Variants in TEAD3 observed in about 807,000 individuals in gnomAD.
TEAD3 encodes TEA domain transcription factor 3.
A neutral mutation model predicts 55.6 loss-of-function variants in TEAD3; 15 were observed. The ratio of observed to expected loss-of-function variants is 0.27; its 90% confidence interval spans 0.18 to 0.42. The LOEUF is 0.42. Ranked by LOEUF, TEAD3 falls within the 10% of genes least tolerant of loss-of-function variation. The pLI, the probability that TEAD3 is intolerant of heterozygous loss-of-function variation, is 1.00. For synonymous variants in TEAD3, 210 were observed against 232.2 expected, an observed-to-expected ratio of 0.90 and a Z score of 0.87; for missense variants, 407 against 576.8, an observed-to-expected ratio of 0.71 and a Z score of 3.01.
At chr6:35,492,734 C>A (rs2150918385) in intron 1 of TEAD3, among the ~76,000 whole-genome samples, 1 of 152,162 alleles carries the variant, frequency 6.6e-6, no homozygotes, top group East Asian at 1.9e-4. Flanking sequence ...CCCCCCAGGC[C>A]TCCTTCTGCA....
In TEAD3 at chr6:35,475,873, G is replaced by T. The variant is rs757362996; in HGVS notation, c.900+46C>A. 6.6e-7 allele frequency: 1 copy of T among 1,506,580 alleles called. No individual in the cohort carries two copies. Among genetic ancestry groups the T allele is most frequent in the Non-Finnish European group, 8.9e-7 (1 of 1,128,066 alleles). The allele number at this position is 1,506,580 out of a possible 1,614,324, so 93.3% of individuals were successfully genotyped here. The stretch of plus-strand genomic sequence containing the variant: ...CAGTGGGCCTGGATGTTGCACCTCT[G>T]GGGTGGGGAAGGGGGCTTGGAGCAG... On this transcript the variant is annotated intron_variant, in intron 10 of 12. Coordinates refer to ENST00000639578, the Ensembl canonical transcript of TEAD3. This position sits in a 1 kb window ranked among gnomAD's most constrained non-coding sequence, Gnocchi z 5.4.
chr6:35,476,051 G>A (rs756080705), exon 10 of TEAD3: 13 of 1,544,284 alleles, frequency 8.4e-6, no homozygotes, highest in Middle Eastern at 3.5e-4. Context: ...CTGAGAAGGC[G>A]GGGTTCGTCT....
At chr6:35,473,747 T>A (rs1188703617), downstream of TEAD3, 1 of 141,298 alleles carries the variant, frequency 7.1e-6, no homozygotes, top group Middle Eastern at 4.8e-3. Context: ...CACAAAAAAA[T>A]ATATAATATA....
At chr6:35,487,812 C>T (rs1295345035) in intron 1 of TEAD3, among the ~76,000 whole-genome samples, 1 of 152,160 alleles carries the variant, frequency 6.6e-6, no homozygotes, top group East Asian at 1.9e-4. Flanking sequence ...AGCCCATTAT[C>T]CAGAGATGAA....
At position 35,484,011 on chromosome 6, in the gene TEAD3, C is replaced by G. The variant is rs946276248; in HGVS notation, c.267+549G>C. 1.3e-5 allele frequency among the ~76,000 whole-genome samples: 2 copies of G among 152,162 alleles called. No homozygotes were observed. The highest frequency in any genetic ancestry group is 2.9e-5 in the Non-Finnish European group (2 of 68,026). Reference sequence around the variant, plus strand: ...ACTTCCTCAGCCTGGAAGGAAGGGTCTTCTCCCTTTTCTCTGCCTTGCGAA... The same window carrying G: ...ACTTCCTCAGCCTGGAAGGAAGGGTGTTCTCCCTTTTCTCTGCCTTGCGAA... On this transcript the variant is annotated intron_variant, in intron 3 of 12. Coordinates refer to ENST00000639578, the Ensembl canonical transcript of TEAD3. This position sits in a 1 kb window ranked among gnomAD's most constrained non-coding sequence, Gnocchi z 5.8.
rs905595222 is a variant in TEAD3, at chr6:35,485,698, C to T, written c.202+763G>A. On this transcript the variant is annotated intron_variant, in intron 2 of 12. Transcript: ENST00000639578. This position sits in a 1 kb window ranked among gnomAD's most constrained non-coding sequence, Gnocchi z 4.3. ...AAGGCACCCTGGACCATCTGCCTGCCCCCAAGGTGGGGCTCTGGGGCTGGG... is the reference window on the plus strand; with the variant it reads ...AAGGCACCCTGGACCATCTGCCTGCTCCCAAGGTGGGGCTCTGGGGCTGGG... Among the ~76,000 whole-genome samples, 2 of 152,196 alleles carry T rather than the reference C, an allele frequency of 1.3e-5. No individual in the cohort carries two copies. The highest frequency in any genetic ancestry group is 4.8e-5 in the African/African-American group (2 of 41,454).
chr6:35,495,999 G>T (rs1298033636), intron 1 of TEAD3, among the ~76,000 whole-genome samples: 6 of 152,208 alleles, frequency 3.9e-5, no homozygotes, highest in Non-Finnish European at 8.8e-5. Context: ...CCCTCACCAG[G>T]AAAGTTGACA....
chr6:35,475,006 T>C lies in TEAD3; in HGVS notation c.*38A>G, dbSNP rs746134633. 61 of 1,474,020 alleles carry C rather than the reference T, an allele frequency of 4.1e-5. 1 individual carries two copies. The South Asian group carries it at 7.0e-4, about 17-fold the overall frequency. The allele number at this position is 1,474,020 out of a possible 1,614,324, so 91.3% of individuals were successfully genotyped here. A position where few individuals can be genotyped will look rare whatever the true frequency, so the allele number is the denominator to read the frequency against. On this transcript the variant is annotated 3_prime_UTR_variant, in exon 13 of 13. Transcript: ENST00000639578. The surrounding 1 kb of genome is among the most constrained non-coding windows in gnomAD (Gnocchi z 5.4). ...GTGCCAGGCAGGTGTGGAGAGGAGATGCTCACCCTGCATCCTTAAGGAGGC... is the reference window on the plus strand; with the variant it reads ...GTGCCAGGCAGGTGTGGAGAGGAGACGCTCACCCTGCATCCTTAAGGAGGC...
At chr6:35,477,325 G>A (rs756296838) in exon 8 of TEAD3, 9 of 1,607,028 alleles carry the variant, frequency 5.6e-6, no homozygotes, top group Middle Eastern at 1.6e-4. Context: ...GAGCGTCGGC[G>A]GCAGGGGCGG....
At chr6:35,479,309 T>C (rs750938322) in exon 5 of TEAD3, 1 of 1,613,874 alleles carries the variant, frequency 6.2e-7, no homozygotes, top group African/African-American at 1.3e-5. Flanking sequence ...ACTTACCAGG[T>C]TCATGGCCTG....
chr6:35,480,438 G>C (rs955487995), intron 3 of TEAD3, 64 bp from the exon 4 acceptor site: 31 of 1,572,202 alleles, frequency 2.0e-5, no homozygotes, highest in Non-Finnish European at 2.1e-5. Flanking sequence ...ACAGCCATGG[G>C]GTGGCCGCGG....
At position 35,484,633 on chromosome 6, in the gene TEAD3, G is replaced by C. The variant is rs775881132; in HGVS notation, c.203-9C>G. On this transcript the variant is annotated splice_polypyrimidine_tract_variant and intron_variant, in intron 2 of 12. Transcript: ENST00000639578. The surrounding 1 kb of genome is among the most constrained non-coding windows in gnomAD (Gnocchi z 5.8). ...AATCAACTCATTTCGGCCTAGATTG[G>C]GGTGAGAGAGAAAATGAGGAGTGGG... is the stretch of plus-strand genomic sequence containing the variant. The C allele has an allele frequency of 2.5e-6, 4 of 1,588,422 alleles. No homozygotes were observed. Among genetic ancestry groups the C allele is most frequent in the Non-Finnish European group, 3.4e-6 (4 of 1,167,196 alleles).
At chr6:35,493,023 C>T (rs1768562097) in intron 1 of TEAD3, among the ~76,000 whole-genome samples, 1 of 152,048 alleles carries the variant, frequency 6.6e-6, no homozygotes. Flanking sequence ...CACTGGGCTC[C>T]CACCAGCCAC....
rs547740279 is a variant in TEAD3 at position 35,496,333 on chromosome 6, G to T, written c.-50+565C>A. Among the ~76,000 whole-genome samples the T allele has an allele frequency of 6.6e-6, 1 of 152,176 alleles. No homozygotes were observed. The highest frequency in any genetic ancestry group is 2.4e-5 in the African/African-American group (1 of 41,450). ...GTGAGCCCCTCCCTGCCTCTCAGGG[G>T]ACACACGGCCGGGGCGCGCGGCTTT... On this transcript the variant is annotated intron_variant, in intron 1 of 12. Transcript: ENST00000639578. The surrounding 1 kb of genome is among the most constrained non-coding windows in gnomAD (Gnocchi z 4.8).
At position 35,485,501 on chromosome 6, in the gene TEAD3, C is replaced by T. The variant is rs1337280800; in HGVS notation, c.203-877G>A. On this transcript the variant is annotated intron_variant, in intron 2 of 12. Coordinates refer to ENST00000639578, the Ensembl canonical transcript of TEAD3. This position sits in a 1 kb window ranked among gnomAD's most constrained non-coding sequence, Gnocchi z 4.3. ...CTCTCTGCCCTCCAACCCAAGGCCTCCCCAGAATGGCCAAATTCTCCAAAT... is the reference window on the plus strand; with the variant it reads ...CTCTCTGCCCTCCAACCCAAGGCCTTCCCAGAATGGCCAAATTCTCCAAAT... Among the ~76,000 whole-genome samples the T allele has an allele frequency of 2.0e-5, 3 of 152,184 alleles. No homozygotes were observed. The highest frequency in any genetic ancestry group is 2.0e-4 in the Admixed American group (3 of 15,272).
intron 5 of TEAD3, 79 bp downstream of exon 5, chr6:35,479,226 T>A: frequency 6.4e-7 from 1 of 1,574,014 alleles, no homozygotes. Context: ...GTTGGTTTCA[T>A]AATCTGTCAT....
In TEAD3 at chr6:35,484,505, G is replaced by A; in HGVS notation, c.267+55C>T. 1 of 1,539,886 alleles carries A rather than the reference G, an allele frequency of 6.5e-7. No individual in the cohort carries two copies. Among genetic ancestry groups the A allele is most frequent in the Non-Finnish European group, 8.8e-7 (1 of 1,131,826 alleles). On this transcript the variant is annotated intron_variant, in intron 3 of 12. Transcript: ENST00000639578. The surrounding 1 kb of genome is among the most constrained non-coding windows in gnomAD (Gnocchi z 5.8). ...CAGGGTAGGGGCAAGGGGTTGACCG[G>A]GGCAGCTGAGACAGAGTGTGTGGGT...
chr6:35,490,291 G>C (rs943125672), intron 1 of TEAD3, among the ~76,000 whole-genome samples: 1 of 147,958 alleles, frequency 6.8e-6, no homozygotes, highest in South Asian at 2.2e-4. Flanking sequence ...GGGACAGACT[G>C]GGGGGGCGGG....
exon 6 of TEAD3, chr6:35,478,514 T>C: frequency 6.2e-7 from 1 of 1,609,900 alleles, no homozygotes; most frequent in Non-Finnish European, 8.5e-7. Context: ...GCAGAGACGA[T>C]CTGGGCAGAG....
Sources: gnomAD v4.1 joint callset for allele counts (sites outside exome capture counted in the v4.1 genomes callset) on GRCh38, gnomAD v4.1.1 for gene constraint, Gnocchi (gnomAD v3.1) non-coding constraint, MANE v1.5 for transcripts, NCBI Gene and HGNC (gene_info 2026-07-23, HGNC 2026-07-21) for gene names.